Variants in PDS5A observed in about 807,000 individuals in gnomAD.
PDS5A encodes the protein sister chromatid cohesion protein PDS5 homolog A.
In PDS5A, 42 loss-of-function variants were observed where a neutral mutation model predicts 167.1. The ratio of observed to expected loss-of-function variants is 0.25; its 90% confidence interval spans 0.20 to 0.33. PDS5A has a LOEUF of 0.33. PDS5A is among the 10% of genes least tolerant of loss of function. PDS5A has a pLI of 1.00. For synonymous variants in PDS5A, 553 were observed against 554.6 expected (o/e 1.00, Z 0.04); for missense variants, 1,033 against 1,605.9 (o/e 0.64, Z 6.10).
chr4:39,928,251 C>T (rs1393418044), intron 2 of PDS5A, 87 bp from the exon 3 acceptor site: 10 of 798,906 alleles, frequency 1.3e-5, no homozygotes, highest in Non-Finnish European at 1.8e-5. Context: ...AAAAAGTCAT[C>T]TCCATTAGCA....
At chr4:39,914,212 A>T (rs1724152067) in intron 8 of PDS5A, among the ~76,000 whole-genome samples, 1 of 143,860 alleles carries the variant, frequency 7.0e-6, no homozygotes, top group African/African-American at 2.6e-5. Flanking sequence ...CCCAAGCTAG[A>T]GTGCAGTGGC....
intron 31 of PDS5A, among the ~76,000 whole-genome samples, chr4:39,838,446 G>C (rs1716637399): frequency 6.6e-6 from 1 of 152,228 alleles, no homozygotes; most frequent in African/African-American, 2.4e-5. Context: ...CAAAGGCTGG[G>C]AACAGTGGCT....
intron 2 of PDS5A, among the ~76,000 whole-genome samples, chr4:39,944,468 C>T (rs1260667777): frequency 5.3e-5 from 8 of 151,888 alleles, no homozygotes; most frequent in East Asian, 1.9e-4. Context: ...CCGAGGTGGG[C>T]GGATACCTGA....
At chr4:39,967,971 T>C (rs1730144199) in intron 2 of PDS5A, among the ~76,000 whole-genome samples, 1 of 152,040 alleles carries the variant, frequency 6.6e-6, no homozygotes, top group Admixed American at 6.6e-5. Context: ...AAGGCCCTCT[T>C]ACCTCCAAAG....
At chr4:39,826,676 G>A (rs142424942) in intron 32 of PDS5A, among the ~76,000 whole-genome samples, 15,650 of 151,654 alleles carry the variant, frequency 0.1, 918 homozygotes, top group East Asian at 0.22. Context: ...TAGTAGAGAC[G>A]GTGTTTCACC....
chr4:39,837,961 C>T lies in PDS5A; in HGVS notation c.3905G>A (p.Gly1302Asp). 6.2e-7 allele frequency: 1 copy of T among 1,614,006 alleles called. No homozygotes were observed. Among genetic ancestry groups the T allele is most frequent in the Non-Finnish European group, 8.5e-7 (1 of 1,179,884 alleles). ...INKGRKRAAV[G>D]QESPGGLEAG... Reference sequence around the variant, plus strand: ...TTCCAAACCCCCAGGGCTCTCCTGACCCACTGCAGCTCTCTTCCTTCCCTT... The same window carrying T: ...TTCCAAACCCCCAGGGCTCTCCTGATCCACTGCAGCTCTCTTCCTTCCCTT... Residue 1302 changes from glycine (G) to aspartate (D), a missense_variant, in exon 32 of 33, where the codon GGT (glycine) becomes GAT (aspartate). Physicochemically the swap from Gly to Asp is moderately conservative, Grantham distance 94. Transcript: ENST00000303538.
chr4:39,875,604 T>C (rs1560446239), intron 19 of PDS5A, among the ~76,000 whole-genome samples: 1 of 152,128 alleles, frequency 6.6e-6, no homozygotes, highest in Non-Finnish European at 1.5e-5. Flanking sequence ...TGGGAACATA[T>C]GCTAGTTGGT....
At chr4:39,876,679 T>C (rs868802615) in intron 19 of PDS5A, among the ~76,000 whole-genome samples, 2 of 152,188 alleles carry the variant, frequency 1.3e-5, no homozygotes, top group Non-Finnish European at 2.9e-5. Flanking sequence ...TGAATATACA[T>C]GGATTAGAAA....
At chr4:39,928,272 A>G in intron 2 of PDS5A, 108 bp from the exon 3 acceptor site, 1 of 644,052 alleles carries the variant, frequency 1.6e-6, no homozygotes, top group South Asian at 2.0e-5. Flanking sequence ...ATCGGTGGCC[A>G]CCAGACAGTT....
chr4:39,941,812 T>G (rs1451908893), intron 2 of PDS5A, among the ~76,000 whole-genome samples: 1 of 152,106 alleles, frequency 6.6e-6, no homozygotes, highest in Non-Finnish European at 1.5e-5. Context: ...TCCCAGCACT[T>G]TGGGAGGCTG....
intron 7 of PDS5A, 41 bp from the exon 8 acceptor site, chr4:39,917,229 A>C (rs748236194): frequency 7.7e-7 from 1 of 1,292,480 alleles, no homozygotes; most frequent in East Asian, 2.6e-5. Flanking sequence ...CATCCAGTTC[A>C]TTTAAAAACA....
chr4:39,884,921 GA>G (rs1318798612), intron 17 of PDS5A, among the ~76,000 whole-genome samples: 4 of 152,054 alleles, frequency 2.6e-5, no homozygotes, highest in Admixed American at 6.6e-5. Context: ...GTATAGGGGG[GA>G]AATTGATTAT....
intron 9 of PDS5A, among the ~76,000 whole-genome samples, chr4:39,911,650 GT>G (rs1046372454): frequency 6.6e-5 from 10 of 151,818 alleles, no homozygotes; most frequent in African/African-American, 2.4e-4. Context: ...GGCTAACACG[GT>G]GAAACCCTGT....
At chr4:39,957,560 C>T (rs576530254) in intron 2 of PDS5A, among the ~76,000 whole-genome samples, 34 of 151,862 alleles carry the variant, frequency 2.2e-4, no homozygotes, top group Admixed American at 4.6e-4. Context: ...CCAAAGAGGG[C>T]GGACCACGAG....
intron 2 of PDS5A, among the ~76,000 whole-genome samples, chr4:39,941,863 G>C (rs1202595992): frequency 6.6e-6 from 1 of 152,114 alleles, no homozygotes; most frequent in Non-Finnish European, 1.5e-5. Flanking sequence ...CAAGTTCAAG[G>C]CTGCAGTGAA....
chr4:39,928,940 CATT>C (rs1269035428), intron 2 of PDS5A, among the ~76,000 whole-genome samples: 6 of 151,610 alleles, frequency 4.0e-5, no homozygotes, highest in African/African-American at 1.5e-4. Context: ...ACTTTGGAAT[CATT>C]ATAAAATGCA....
At chr4:39,963,007 A>G (rs1729637460) in intron 2 of PDS5A, among the ~76,000 whole-genome samples, 1 of 151,676 alleles carries the variant, frequency 6.6e-6, no homozygotes, top group Non-Finnish European at 1.5e-5. Flanking sequence ...TAAATTTTAT[A>G]TGTTTACCAC....
chr4:39,908,419 T>A lies in PDS5A; in HGVS notation c.1209A>T (p.Val403=). Residue 403 remains valine (V), a synonymous_variant, in exon 11 of 33, where the codon GTA becomes GTT. Coordinates refer to ENST00000303538, the MANE Select transcript of PDS5A (RefSeq NM_001100399.2). The stretch of plus-strand genomic sequence containing the variant: ...CCCGTTTATCCAGTGTTCTTTCCCT[T>A]ACAAAGCCAAGCAGCTGATCATTTA... ...ALVNDQLLGF[V]RERTLDKRWR... The A allele has an allele frequency of 6.2e-7, 1 of 1,613,424 alleles. No individual in the cohort carries two copies. The highest frequency in any genetic ancestry group is 1.1e-5 in the South Asian group (1 of 91,060).
intron 2 of PDS5A, among the ~76,000 whole-genome samples, chr4:39,967,015 A>G (rs1315270931): frequency 6.6e-6 from 1 of 150,842 alleles, no homozygotes; most frequent in Non-Finnish European, 1.5e-5. Flanking sequence ...AAGAAAAAAA[A>G]AATTTCAGGC....
Sources: gnomAD v4.1 joint callset for allele counts (sites outside exome capture counted in the v4.1 genomes callset) on GRCh38, gnomAD v4.1.1 for gene constraint, MANE v1.5 for transcripts, NCBI Gene and HGNC (gene_info 2026-07-23, HGNC 2026-07-21) for gene names.